Variants in ARMH4 observed in about 807,000 individuals in gnomAD.
The protein encoded by ARMH4 is armadillo-like helical domain-containing protein 4.
In ARMH4, 49 loss-of-function variants were observed where a neutral mutation model predicts 61.9. The ratio of observed to expected loss-of-function variants is 0.79; its 90% CI spans 0.63 to 1.00. The LOEUF (loss-of-function observed/expected upper bound fraction) is 1.00. ARMH4 is among the 50% of genes least tolerant of loss of function. ARMH4 has a pLI of 0.00. For missense variants in ARMH4, 934 were observed against 930.0 expected, an observed-to-expected ratio of 1.00 and a Z score of -0.06; for synonymous variants, 368 against 341.5, an observed-to-expected ratio of 1.08 and a Z score of -0.85.
intron 5 of ARMH4, among the ~76,000 whole-genome samples, chr14:58,063,098 T>A (rs1884584391): frequency 6.6e-6 from 1 of 152,180 alleles, no homozygotes; most frequent in South Asian, 2.1e-4. Context: ...GGTCCTTCCT[T>A]GTCTCTTCCT....
chr14:58,098,402 C>T (rs2141266412), intron 4 of ARMH4, among the ~76,000 whole-genome samples: 1 of 152,296 alleles, frequency 6.6e-6, no homozygotes, highest in South Asian at 2.1e-4. Context: ...CTTCGTGGAG[C>T]CCATGTGCCA....
chr14:58,142,086 G>A (rs1379701391), intron 1 of ARMH4, among the ~76,000 whole-genome samples: 1 of 152,042 alleles, frequency 6.6e-6, no homozygotes, highest in African/African-American at 2.4e-5. Flanking sequence ...ATTTTGCTGA[G>A]TAGGGCCTTT....
At chr14:58,132,218 G>A (rs185284609) in intron 3 of ARMH4, among the ~76,000 whole-genome samples, 3 of 152,298 alleles carry the variant, frequency 2.0e-5, no homozygotes, top group African/African-American at 7.2e-5. Flanking sequence ...AACAGCAGTA[G>A]CTTTCACATA....
intron 5 of ARMH4, among the ~76,000 whole-genome samples, chr14:58,062,745 G>A (rs1369865473): frequency 2.0e-5 from 3 of 152,186 alleles, no homozygotes; most frequent in Non-Finnish European, 2.9e-5. Flanking sequence ...TTTGCCTAAG[G>A]GCATACAGCT....
chr14:58,054,769 G>A (rs888541968), intron 5 of ARMH4, among the ~76,000 whole-genome samples: 1 of 151,424 alleles, frequency 6.6e-6, no homozygotes, highest in African/African-American at 2.4e-5. Context: ...TTGATGGCAG[G>A]CACCTGTAAT....
At chr14:58,094,595 GTA>G (rs991282094) in intron 5 of ARMH4, among the ~76,000 whole-genome samples, 1 of 152,182 alleles carries the variant, frequency 6.6e-6, no homozygotes, top group Non-Finnish European at 1.5e-5. Flanking sequence ...GTACATGTGT[GTA>G]TGTTATATAT....
intron 4 of ARMH4, among the ~76,000 whole-genome samples, chr14:58,111,685 C>T (rs906564001): frequency 6.9e-6 from 1 of 145,742 alleles, no homozygotes; most frequent in African/African-American, 2.5e-5. Flanking sequence ...CTTCCTTCTT[C>T]TTTTTTTTTT....
At chr14:58,118,535 T>G in intron 4 of ARMH4, among the ~76,000 whole-genome samples, 1 of 150,824 alleles carries the variant, frequency 6.6e-6, no homozygotes, top group African/African-American at 2.4e-5. Flanking sequence ...AATGAGAAGT[T>G]TACCCTTTAC....
intron 5 of ARMH4, among the ~76,000 whole-genome samples, chr14:58,016,229 A>G (rs538658998): frequency 1.3e-5 from 2 of 152,308 alleles, no homozygotes; most frequent in South Asian, 4.1e-4. Flanking sequence ...CCAACAAAAC[A>G]GGATTGGTTT....
intron 1 of ARMH4, among the ~76,000 whole-genome samples, chr14:58,149,523 T>A (rs1887855385): frequency 6.6e-6 from 1 of 152,198 alleles, no homozygotes; most frequent in Non-Finnish European, 1.5e-5. Flanking sequence ...CAGTAAAAAG[T>A]ACTTTACCAT....
chr14:58,053,760 T>C (rs1884226109), intron 5 of ARMH4, among the ~76,000 whole-genome samples: 1 of 152,206 alleles, frequency 6.6e-6, no homozygotes, highest in Non-Finnish European at 1.5e-5. Context: ...CATTGCATGA[T>C]CCTCACCTAA....
At chr14:58,106,194 C>T (rs1886160184) in intron 4 of ARMH4, among the ~76,000 whole-genome samples, 1 of 152,172 alleles carries the variant, frequency 6.6e-6, no homozygotes, top group Non-Finnish European at 1.5e-5. Context: ...GGGCTCCTTG[C>T]CATGGAGCTA....
At chr14:58,044,225 C>G (rs968458033) in intron 5 of ARMH4, among the ~76,000 whole-genome samples, 2 of 152,150 alleles carry the variant, frequency 1.3e-5, no homozygotes, top group Admixed American at 1.3e-4. Flanking sequence ...TACTACAAGG[C>G]TACAGTAACC....
chr14:58,030,450 T>TG (rs1482102629), intron 5 of ARMH4, among the ~76,000 whole-genome samples: 82 of 152,336 alleles, frequency 5.4e-4, no homozygotes, highest in African/African-American at 1.9e-3. Context: ...ATTTCCCAAT[T>TG]TTTTTATCGT....
chr14:58,009,579 G>C (rs1243132108), intron 6 of ARMH4, among the ~76,000 whole-genome samples: 2 of 152,118 alleles, frequency 1.3e-5, no homozygotes, highest in Non-Finnish European at 2.9e-5. Flanking sequence ...GGGAGGCCGA[G>C]GCAAGCAGGT....
At chr14:58,105,701 A>G (rs903325433) in intron 4 of ARMH4, among the ~76,000 whole-genome samples, 15 of 152,064 alleles carry the variant, frequency 9.9e-5, no homozygotes, top group East Asian at 1.9e-4. Context: ...AAAAAAAAAA[A>G]AAAGAAAGAA....
At position 58,137,097 on chromosome 14, in the gene ARMH4, T is replaced by C. The variant is rs971415854; in HGVS notation, c.1369+893A>G. 2.6e-5 allele frequency among the ~76,000 whole-genome samples: 4 copies of C among 152,356 alleles called. No homozygotes were observed. The East Asian group carries it at 5.8e-4, about 22-fold the overall frequency. On this transcript the variant is annotated intron_variant, in intron 2 of 7. Transcript: ENST00000267485. ...GCTAATTCTTTCACATTTTCTTGTA[T>C]ATTTATACATTTTCATAGTAAAATG... is the stretch of plus-strand genomic sequence containing the variant.
intron 5 of ARMH4, among the ~76,000 whole-genome samples, chr14:58,029,497 G>A (rs901500253): frequency 6.6e-6 from 1 of 152,142 alleles, no homozygotes; most frequent in East Asian, 1.9e-4. Context: ...GCCTCCCAAA[G>A]TGCTGGGATT....
intron 5 of ARMH4, among the ~76,000 whole-genome samples, chr14:58,019,552 T>C (rs1882739574): frequency 6.6e-6 from 1 of 152,082 alleles, no homozygotes; most frequent in Non-Finnish European, 1.5e-5. Context: ...AAAAAACGTG[T>C]GAAGATCGAA....
Sources: allele counts gnomAD v4.1 joint callset (sites outside exome capture counted in the v4.1 genomes callset), GRCh38; gene constraint gnomAD v4.1.1; transcripts MANE v1.5; gene names NCBI Gene and HGNC (gene_info 2026-07-23, HGNC 2026-07-21).